Variants in KAT6B observed in about 807,000 individuals in gnomAD.
KAT6B encodes the protein histone acetyltransferase KAT6B.
In KAT6B, 10 loss-of-function variants were observed where a neutral mutation model predicts 187.5. The observed-to-expected ratio is 0.05, with a 90% CI of 0.03 to 0.09. The LOEUF is 0.09. Among genes scored for constraint, KAT6B ranks in the 10% least tolerant of loss-of-function variants. KAT6B has a pLI of 1.00. For synonymous variants in KAT6B, 861 were observed against 926.8 expected (o/e 0.93, Z 1.29); for missense variants, 1,952 against 2,558.9 (o/e 0.76, Z 5.12).
intron 3 of KAT6B, among the ~76,000 whole-genome samples, chr10:74,891,204 A>G (rs1213332641): frequency 1.3e-5 from 2 of 152,228 alleles, no homozygotes; most frequent in South Asian, 2.1e-4. Context: ...AAACCTGGCC[A>G]CCTTTCCATT....
rs576647301 is a variant in KAT6B, at chr10:75,029,561, C to T, written c.4737C>T (p.Asp1579=). The T allele has an allele frequency of 1.5e-5, 24 of 1,614,126 alleles. No individual in the cohort carries two copies. The African/African-American group carries it at 2.9e-4, about 20-fold the overall frequency. The change falls in exon 18 of 18, where the codon GAC becomes GAT. Residue 1579 remains aspartate, a synonymous_variant. Transcript: ENST00000287239. The surrounding 1 kb of genome is among the most constrained non-coding windows in gnomAD (Gnocchi z 6.2). ...GCCTACAGAACTACACCCGTGCAGACCAAAGTCCACAGATTGCCACCACGC... is the reference window on the plus strand; with the variant it reads ...GCCTACAGAACTACACCCGTGCAGATCAAAGTCCACAGATTGCCACCACGC... The part of the protein sequence containing the change: ...CRSLQNYTRA[D]QSPQIATTLD...
At chr10:74,901,991 T>C (rs1435340109) in intron 3 of KAT6B, among the ~76,000 whole-genome samples, 3 of 152,072 alleles carry the variant, frequency 2.0e-5, no homozygotes, top group African/African-American at 7.2e-5. Context: ...TCACTCTGGC[T>C]CTCCTTGTCC....
intron 13 of KAT6B, among the ~76,000 whole-genome samples, chr10:75,015,226 A>C (rs1411130160): frequency 6.6e-6 from 1 of 152,220 alleles, no homozygotes; most frequent in Non-Finnish European, 1.5e-5. Context: ...TATGGGAGAG[A>C]GGTCTTAAAC....
chr10:74,959,137 A>G (rs1194316684), intron 3 of KAT6B, among the ~76,000 whole-genome samples: 1 of 152,068 alleles, frequency 6.6e-6, no homozygotes, highest in Non-Finnish European at 1.5e-5. Flanking sequence ...ACTTTTGAAG[A>G]CCTTCGTGGC....
chr10:74,832,326 G>A lies in KAT6B; in HGVS notation c.-329+5541G>A, dbSNP rs1840921375. On this transcript the variant is annotated intron_variant, in intron 1 of 17. Transcript: ENST00000287239. ...TTCAAAAGAATCATAAAAAAGTTAA[G>A]ATGTCAGATTTTTCTCAGCCAGGTG... Among the ~76,000 whole-genome samples, 6 of 152,188 alleles carry A rather than the reference G, an allele frequency of 3.9e-5. No homozygotes were observed. The South Asian group carries it at 1.2e-3, about 32-fold the overall frequency.
chr10:74,972,405 T>A (rs572698054), intron 6 of KAT6B, 102 bp from the exon 7 acceptor site: 2 of 850,318 alleles, frequency 2.4e-6, no homozygotes, highest in South Asian at 3.4e-5. Flanking sequence ...AAGTTCAGCA[T>A]ACAGGCATCC....
At chr10:74,902,990 A>G (rs1846507152) in intron 3 of KAT6B, among the ~76,000 whole-genome samples, 1 of 152,246 alleles carries the variant, frequency 6.6e-6, no homozygotes, top group Admixed American at 6.5e-5. Context: ...AAATACATTC[A>G]TAAGGTTCCA....
chr10:74,861,611 C>G (rs896943305), intron 3 of KAT6B, among the ~76,000 whole-genome samples: 9 of 152,150 alleles, frequency 5.9e-5, no homozygotes, highest in African/African-American at 2.2e-4. Flanking sequence ...ACCCAGGCAT[C>G]CAAGCTCCTT....
chr10:74,843,590 T>C, intron 3 of KAT6B, 112 bp downstream of exon 3: 9 of 1,364,068 alleles, frequency 6.6e-6, no homozygotes, highest in Non-Finnish European at 9.3e-6. Flanking sequence ...TAAAATTGAA[T>C]GTTTTGCCTT....
intron 3 of KAT6B, among the ~76,000 whole-genome samples, chr10:74,958,721 A>G (rs2133498746): frequency 6.6e-6 from 1 of 152,222 alleles, no homozygotes; most frequent in Non-Finnish European, 1.5e-5. Flanking sequence ...GGACTAGACA[A>G]ATGTTTTGTT....
intron 3 of KAT6B, among the ~76,000 whole-genome samples, chr10:74,924,091 A>G (rs768609357): frequency 2.9e-4 from 44 of 152,316 alleles, no homozygotes; most frequent in Non-Finnish European, 5.6e-4. Flanking sequence ...AATAACTGGA[A>G]GGATGGAGTT....
At chr10:74,849,030 G>A (rs1427565078) in intron 3 of KAT6B, among the ~76,000 whole-genome samples, 1 of 152,124 alleles carries the variant, frequency 6.6e-6, no homozygotes, top group East Asian at 1.9e-4. Flanking sequence ...CACCCAGTCT[G>A]GAGTGCAGTG....
At chr10:74,835,009 G>A (rs563720818) in intron 1 of KAT6B, among the ~76,000 whole-genome samples, 10 of 152,100 alleles carry the variant, frequency 6.6e-5, no homozygotes, top group Non-Finnish European at 1.0e-4. Flanking sequence ...GTGGTCTTGG[G>A]AAATCTTAGG....
At chr10:74,947,818 T>A (rs1279713871) in intron 3 of KAT6B, among the ~76,000 whole-genome samples, 1 of 152,246 alleles carries the variant, frequency 6.6e-6, no homozygotes, top group Non-Finnish European at 1.5e-5. Flanking sequence ...CTGGCTTTGC[T>A]GCAGCTTGTA....
chr10:74,943,557 A>G (rs1048922989), intron 3 of KAT6B, among the ~76,000 whole-genome samples: 3 of 152,206 alleles, frequency 2.0e-5, no homozygotes, highest in Non-Finnish European at 4.4e-5. Flanking sequence ...GGAAGAAGAA[A>G]ATCTCAACAA....
At chr10:75,006,454 T>G (rs1465262539) in intron 13 of KAT6B, among the ~76,000 whole-genome samples, 3 of 152,168 alleles carry the variant, frequency 2.0e-5, no homozygotes, top group Non-Finnish European at 4.4e-5. Flanking sequence ...TTTTTTAAAT[T>G]TTTAAAAATT....
chr10:74,893,309 CTT>C (rs1845763015), intron 3 of KAT6B, among the ~76,000 whole-genome samples: 1 of 152,190 alleles, frequency 6.6e-6, no homozygotes, highest in Non-Finnish European at 1.5e-5. Context: ...GGACCCCTCT[CTT>C]TTTCCTCACT....
intron 3 of KAT6B, among the ~76,000 whole-genome samples, chr10:74,894,335 G>A (rs772811974): frequency 3.9e-5 from 6 of 152,150 alleles, no homozygotes; most frequent in Non-Finnish European, 8.8e-5. Context: ...ACCCACCTCG[G>A]CCTCCCCAAG....
rs756517894 is a variant in KAT6B, at chr10:74,842,742, C to G, written c.-116C>G. 28 of 1,144,894 alleles carry G rather than the reference C, an allele frequency of 2.4e-5. No homozygotes were observed. The highest frequency in any genetic ancestry group is 3.7e-5 in the Non-Finnish European group (28 of 765,690). The allele number at this position is 1,144,894 out of a possible 1,614,324, so 70.9% of individuals were successfully genotyped here. ...TTTGTAAGATGTTGCTTAATACAGTCTGGAATACTCTGTCCATTTGTTGAA... is the reference window on the plus strand; with the variant it reads ...TTTGTAAGATGTTGCTTAATACAGTGTGGAATACTCTGTCCATTTGTTGAA... On this transcript the variant is annotated 5_prime_UTR_variant, in exon 3 of 18. Coordinates refer to ENST00000287239, the MANE Select transcript of KAT6B (RefSeq NM_012330.4).
Sources: allele counts gnomAD v4.1 joint callset (sites outside exome capture counted in the v4.1 genomes callset), GRCh38; gene constraint gnomAD v4.1.1; non-coding constraint Gnocchi (gnomAD v3.1); transcripts MANE v1.5; gene names NCBI Gene and HGNC (gene_info 2026-07-23, HGNC 2026-07-21).